HDAC4: variants seen among roughly 807,000 people sequenced by gnomAD.
HDAC4 encodes histone deacetylase 4, also known as histone deacetylase A.
HDAC4 carries 16 observed loss-of-function variants against 135.1 expected under a neutral mutation model. The ratio of observed to expected loss-of-function variants is 0.12; its 90% CI spans 0.08 to 0.18. The LOEUF is 0.18. Among genes scored for constraint, HDAC4 ranks in the 10% least tolerant of loss-of-function variants. The probability of loss-of-function intolerance (pLI) is 1.00; values close to 1 mark genes in which losing one functional copy is unlikely to be tolerated. For synonymous variants in HDAC4, 685 were observed against 653.4 expected (o/e 1.05, Z -0.74); for missense variants, 1,143 against 1,511.8 (o/e 0.76, Z 4.05).
At chr2:239,218,206 G>A (rs2046751015) in intron 3 of HDAC4, among the ~76,000 whole-genome samples, 2 of 152,100 alleles carry the variant, frequency 1.3e-5, no homozygotes, top group Non-Finnish European at 2.9e-5. Context: ...TACCAGATTG[G>A]ATAAAAAACA....
chr2:239,266,772 G>A (rs1345455577), intron 2 of HDAC4, among the ~76,000 whole-genome samples: 3 of 152,062 alleles, frequency 2.0e-5, no homozygotes, highest in African/African-American at 4.8e-5. Context: ...TAAAGTGGAA[G>A]AGGCTCTTCC....
intron 2 of HDAC4, among the ~76,000 whole-genome samples, chr2:239,272,265 A>G (rs955883481): frequency 2.0e-5 from 3 of 152,244 alleles, no homozygotes; most frequent in Non-Finnish European, 2.9e-5. Context: ...AGTTCAATAA[A>G]TGTCTCTGAT....
At chr2:239,138,448 T>G (rs1169789531) in intron 9 of HDAC4, among the ~76,000 whole-genome samples, 1 of 152,220 alleles carries the variant, frequency 6.6e-6, no homozygotes, top group Non-Finnish European at 1.5e-5. Context: ...TCTAAATATT[T>G]AAGAAGGAAA....
At chr2:239,119,184 G>A (rs769923948) in intron 12 of HDAC4, among the ~76,000 whole-genome samples, 6 of 152,214 alleles carry the variant, frequency 3.9e-5, no homozygotes, top group Non-Finnish European at 8.8e-5. Flanking sequence ...TGTATGGGAG[G>A]TTTCTTGAGA....
chr2:239,290,610 C>T (rs1001590398), intron 2 of HDAC4, among the ~76,000 whole-genome samples: 1 of 152,146 alleles, frequency 6.6e-6, no homozygotes, highest in East Asian at 1.9e-4. Flanking sequence ...CAGGCACGTG[C>T]GCACAAGCAG....
intron 2 of HDAC4, among the ~76,000 whole-genome samples, chr2:239,272,710 T>C (rs6712523): frequency 0.24 from 35,831 of 151,990 alleles, 4,829 homozygotes; most frequent in East Asian, 0.51. Context: ...GCCAACCATC[T>C]GCACTCACCC....
chr2:239,297,623 G>C (rs555299257), intron 2 of HDAC4, among the ~76,000 whole-genome samples: 1 of 152,314 alleles, frequency 6.6e-6, no homozygotes, highest in African/African-American at 2.4e-5. Flanking sequence ...GCTGGCTAAT[G>C]AGGCCTGGGG....
intron 2 of HDAC4, among the ~76,000 whole-genome samples, chr2:239,253,069 T>C (rs1311219788): frequency 2.0e-5 from 3 of 152,226 alleles, no homozygotes; most frequent in Admixed American, 1.3e-4. Flanking sequence ...TCACACTTCA[T>C]ACGCGGCATT....
intron 3 of HDAC4, among the ~76,000 whole-genome samples, chr2:239,232,741 CACCA>C: frequency 1.2e-5 from 1 of 81,590 alleles, no homozygotes; most frequent in African/African-American, 5.6e-5. Flanking sequence ...CCCTTCCCCT[CACCA>C]AGCCAAGGTG....
At chr2:239,385,219 T>C (rs1575791034) in intron 1 of HDAC4, among the ~76,000 whole-genome samples, 1 of 152,134 alleles carries the variant, frequency 6.6e-6, no homozygotes, top group Non-Finnish European at 1.5e-5. Context: ...AAAGGTCTCC[T>C]CCAAGCCTCA....
chr2:239,325,502 A>G (rs1358597788), intron 2 of HDAC4, among the ~76,000 whole-genome samples: 1 of 152,264 alleles, frequency 6.6e-6, no homozygotes, highest in African/African-American at 2.4e-5. Flanking sequence ...GCAAATACAA[A>G]TCACAACCAC....
intron 2 of HDAC4, among the ~76,000 whole-genome samples, chr2:239,344,658 T>C (rs1692499773): frequency 6.6e-6 from 1 of 152,090 alleles, no homozygotes; most frequent in Admixed American, 6.5e-5. Flanking sequence ...ATCTGAGAGC[T>C]GCAGACGCCC....
intron 20 of HDAC4, among the ~76,000 whole-genome samples, chr2:239,083,655 G>C (rs2035576432): frequency 6.6e-6 from 1 of 152,204 alleles, no homozygotes; most frequent in Non-Finnish European, 1.5e-5. Context: ...TTCAGATTCG[G>C]ACATCATATA....
At chr2:239,386,114 C>T (rs1695786056) in intron 1 of HDAC4, among the ~76,000 whole-genome samples, 2 of 151,650 alleles carry the variant, frequency 1.3e-5, no homozygotes, top group African/African-American at 4.8e-5. Flanking sequence ...CCACAGGATG[C>T]CAGGACCAGG....
intron 14 of HDAC4, among the ~76,000 whole-genome samples, chr2:239,110,004 C>A (rs945913844): frequency 3.3e-5 from 5 of 152,182 alleles, no homozygotes; most frequent in Non-Finnish European, 7.3e-5. Flanking sequence ...CAGGAGACCA[C>A]GTGGCTAAAG....
chr2:239,334,023 AGAAAT>A (rs1691757925), intron 2 of HDAC4, among the ~76,000 whole-genome samples: 2 of 152,248 alleles, frequency 1.3e-5, no homozygotes, highest in African/African-American at 4.8e-5. Context: ...TTAGCAAAGA[AGAAAT>A]GAAACATTCA....
chr2:239,053,130 A>G lies in HDAC4; in HGVS notation c.3237T>C (p.Asp1079=). 1.9e-6 allele frequency: 3 copies of G among 1,614,138 alleles called. No individual in the cohort carries two copies. Among genetic ancestry groups the G allele is most frequent in the Non-Finnish European group, 2.5e-6 (3 of 1,179,990 alleles). ...VGVKPAEKRP[D]EEPMEEEPPL Reference sequence around the variant, plus strand: ...GCGGCTCCTCTTCCATGGGCTCCTCATCTGGTCTGTGGATCCCGCAAGAGA... The same window carrying G: ...GCGGCTCCTCTTCCATGGGCTCCTCGTCTGGTCTGTGGATCCCGCAAGAGA... Residue 1079 remains aspartate (D), a synonymous_variant, in exon 27 of 27, where the codon GAT becomes GAC. Coordinates refer to ENST00000543185, the MANE Select transcript of HDAC4 (RefSeq NM_001378414.1).
At chr2:239,252,863 TCCTC>T (rs2048857923) in intron 2 of HDAC4, among the ~76,000 whole-genome samples, 1 of 152,222 alleles carries the variant, frequency 6.6e-6, no homozygotes, top group Non-Finnish European at 1.5e-5. Context: ...ATCATTTCTC[TCCTC>T]CCTCCCTGAC....
intron 12 of HDAC4, among the ~76,000 whole-genome samples, chr2:239,121,361 G>A (rs527734896): frequency 1.3e-5 from 2 of 152,298 alleles, no homozygotes; most frequent in East Asian, 3.9e-4. Context: ...GGGGGTCATA[G>A]CGGGGGTCAG....
Sources: gnomAD v4.1 joint callset for allele counts (sites outside exome capture counted in the v4.1 genomes callset) on GRCh38, gnomAD v4.1.1 for gene constraint, MANE v1.5 for transcripts, NCBI Gene and HGNC (gene_info 2026-07-23, HGNC 2026-07-21) for gene names.